The following CUBN variants were observed in gnomAD, a reference collection of about 807,000 sequenced individuals.
CUBN encodes the protein 460 kDa receptor.
A neutral mutation model predicts 405.3 loss-of-function variants in CUBN; 282 were observed. That is an observed-to-expected ratio of 0.70 (90% confidence interval 0.63 to 0.77). CUBN has a LOEUF of 0.77. CUBN is among the 30% of genes least tolerant of loss of function. The probability of loss-of-function intolerance (pLI) is 0.00; values close to 1 mark genes in which losing one functional copy is unlikely to be tolerated. For missense variants in CUBN, 4,514 were observed against 4,475.2 expected, an observed-to-expected ratio of 1.01 and a Z score of -0.25; for synonymous variants, 1,684 against 1,617.0, an observed-to-expected ratio of 1.04 and a Z score of -0.99.
intron 28 of CUBN, among the ~76,000 whole-genome samples, chr10:16,999,204 TCTGA>T (rs1318807846): frequency 2.6e-5 from 4 of 152,224 alleles, no homozygotes; most frequent in Admixed American, 2.0e-4. Context: ...GTCATAGCCA[TCTGA>T]CTATCTAAGA....
chr10:16,873,743 GAA>G (rs1840424722), intron 58 of CUBN, among the ~76,000 whole-genome samples: 1 of 147,736 alleles, frequency 6.8e-6, no homozygotes, highest in Admixed American at 6.8e-5. Context: ...AAAAAGAAAA[GAA>G]AAAAGAAAAT....
chr10:17,078,947 A>G (rs538300622), intron 17 of CUBN, among the ~76,000 whole-genome samples: 7 of 152,304 alleles, frequency 4.6e-5, no homozygotes, highest in African/African-American at 1.2e-4. Context: ...CAGCTTCTAC[A>G]TGAGCATGCA....
intron 51 of CUBN, among the ~76,000 whole-genome samples, chr10:16,903,307 A>T (rs1841451794): frequency 1.3e-5 from 2 of 152,190 alleles, no homozygotes; most frequent in Admixed American, 1.3e-4. Context: ...AAAGATATTT[A>T]TTGGAAACTT....
At chr10:17,072,317 C>T (rs1039765258) in intron 17 of CUBN, among the ~76,000 whole-genome samples, 2 of 151,770 alleles carry the variant, frequency 1.3e-5, no homozygotes, top group Admixed American at 6.6e-5. Flanking sequence ...CACGTGTTAG[C>T]CAAATCTGCA....
intron 66 of CUBN, among the ~76,000 whole-genome samples, chr10:16,825,897 G>A (rs1377404420): frequency 7.2e-6 from 1 of 139,048 alleles, no homozygotes; most frequent in Non-Finnish European, 1.6e-5. Context: ...ACTTACTCAA[G>A]TGAGTGTAGA....
At chr10:16,967,006 G>C (rs1285392482) in intron 31 of CUBN, among the ~76,000 whole-genome samples, 2 of 152,204 alleles carry the variant, frequency 1.3e-5, no homozygotes, top group East Asian at 3.9e-4. Flanking sequence ...GAAACATTAA[G>C]TGATAGGGAG....
rs1223369956 is a variant in CUBN at position 16,824,279 on chromosome 10, C to G, written c.*696G>C. On this transcript the variant is annotated 3_prime_UTR_variant, in exon 67 of 67. Coordinates refer to ENST00000377833, the MANE Select transcript of CUBN (RefSeq NM_001081.4). The stretch of plus-strand genomic sequence containing the variant: ...TGTTGCCCAGGCTGGTCTCAAACTC[C>G]TAGGTTCAAGCAATCCTCCCATCAT... 6.6e-6 allele frequency: 1 copy of G among 152,006 alleles called. No individual in the cohort carries two copies. The highest frequency in any genetic ancestry group is 1.5e-5 in the Non-Finnish European group (1 of 68,062). The allele number at this position is 152,006 out of a possible 1,614,324, so 9.4% of individuals were successfully genotyped here.
intron 17 of CUBN, among the ~76,000 whole-genome samples, chr10:17,083,516 A>AATACATACATACATAC (rs146497391): frequency 5.5e-4 from 79 of 142,708 alleles, no homozygotes; most frequent in African/African-American, 1.9e-3. Flanking sequence ...AAAATAAATA[A>AATACATACATACATAC]ATACATACAT....
At chr10:17,057,646 A>G (rs754107478) in intron 22 of CUBN, among the ~76,000 whole-genome samples, 2 of 152,130 alleles carry the variant, frequency 1.3e-5, no homozygotes, top group Non-Finnish European at 2.9e-5. Context: ...CTGCAAGTCA[A>G]TGTTCATGGT....
chr10:16,888,323 A>G, intron 56 of CUBN, 94 bp downstream of exon 56: 1 of 1,010,208 alleles, frequency 9.9e-7, no homozygotes, highest in Non-Finnish European at 1.5e-6. Flanking sequence ...TAGCCACTCT[A>G]CAACATGTAC....
In CUBN at chr10:16,840,497, G is replaced by T. The variant is rs761252412; in HGVS notation, c.9865C>A (p.Gln3289Lys). The T allele has an allele frequency of 1.2e-6, 2 of 1,611,460 alleles. No individual in the cohort carries two copies. The highest frequency in any genetic ancestry group is 1.1e-5 in the South Asian group (1 of 90,560). Residue 3289 changes from glutamine to lysine, a missense_variant, in exon 62 of 67, where the codon CAA (glutamine) becomes AAA (lysine). Gln to Lys is a moderately conservative substitution (Grantham distance 53). Coordinates refer to ENST00000377833, the MANE Select transcript of CUBN (RefSeq NM_001081.4). ...GGTYNATWTPQNISSPNSSDP... is the reference protein window; with the variant it reads ...GGTYNATWTPKNISSPNSSDP... ...GATGAATTGGGTGATGAAATATTTT[G>T]TGGGGTCCAAGTTGCATTGTATGTT...
At chr10:17,109,584 T>C (rs1319659424) in intron 10 of CUBN, 56 bp downstream of exon 10, 2 of 1,354,690 alleles carry the variant, frequency 1.5e-6, no homozygotes, top group Non-Finnish European at 2.1e-6. Context: ...GATGTTGAAT[T>C]GGTTTAGAAG....
intron 54 of CUBN, among the ~76,000 whole-genome samples, chr10:16,891,936 A>C (rs999620262): frequency 3.9e-5 from 6 of 152,176 alleles, no homozygotes; most frequent in South Asian, 2.1e-4. Context: ...ACTATCTCAA[A>C]CAAGGATGTA....
At chr10:16,885,742 T>C (rs1434176426) in intron 56 of CUBN, among the ~76,000 whole-genome samples, 11 of 152,218 alleles carry the variant, frequency 7.2e-5, no homozygotes, top group African/African-American at 2.7e-4. Flanking sequence ...TGTGGCTTTA[T>C]AGTACAATTA....
chr10:16,995,123 A>C (rs1200735303), intron 28 of CUBN, among the ~76,000 whole-genome samples: 1 of 152,218 alleles, frequency 6.6e-6, no homozygotes, highest in Non-Finnish European at 1.5e-5. Flanking sequence ...CCAACCAAGA[A>C]AGGAACAGTG....
chr10:16,825,169 C>T (rs1838738244), intron 66 of CUBN, 87 bp from the exon 67 acceptor site: 7 of 865,870 alleles, frequency 8.1e-6, no homozygotes, highest in Non-Finnish European at 1.3e-5. Context: ...CAAAGTACCA[C>T]ATAAAGAAAC....
At chr10:17,113,591 C>T (rs1836817962) in intron 8 of CUBN, among the ~76,000 whole-genome samples, 1 of 152,144 alleles carries the variant, frequency 6.6e-6, no homozygotes, top group South Asian at 2.1e-4. Context: ...AGCTGGATAC[C>T]TCTGTTTAGG....
chr10:16,940,334 T>A (rs930867718), intron 36 of CUBN, 97 bp from the exon 37 acceptor site: 10 of 1,179,852 alleles, frequency 8.5e-6, no homozygotes, highest in South Asian at 4.9e-5. Flanking sequence ...TTCACTTTTT[T>A]AAACTTTCTT....
At chr10:16,835,403 G>A (rs562169898) in intron 63 of CUBN, among the ~76,000 whole-genome samples, 14 of 152,320 alleles carry the variant, frequency 9.2e-5, no homozygotes, top group South Asian at 2.1e-4. Context: ...GCAACAGCTC[G>A]TTCACACAAA....
Sources: allele counts gnomAD v4.1 joint callset (sites outside exome capture counted in the v4.1 genomes callset), GRCh38; gene constraint gnomAD v4.1.1; transcripts MANE v1.5; gene names NCBI Gene and HGNC (gene_info 2026-07-23, HGNC 2026-07-21).